LPP: variants seen among roughly 807,000 people sequenced by gnomAD.
The protein encoded by LPP is LIM domain containing preferred translocation partner in lipoma.
LPP carries 38 observed loss-of-function variants against 60.4 expected under a neutral mutation model. That is an observed-to-expected ratio of 0.63 (90% CI 0.49 to 0.83). The LOEUF (loss-of-function observed/expected upper bound fraction) is 0.83. LPP is among the 40% of genes least tolerant of loss of function. The pLI, the probability that LPP is intolerant of heterozygous loss-of-function variation, is 0.00. For missense variants in LPP, 902 were observed against 783.6 expected (o/e 1.15, Z -1.80); for synonymous variants, 328 against 290.8 (o/e 1.13, Z -1.30).
At chr3:188,486,095 TA>T (rs1435361275) in intron 5 of LPP, among the ~76,000 whole-genome samples, 1 of 152,156 alleles carries the variant, frequency 6.6e-6, no homozygotes, top group African/African-American at 2.4e-5. Flanking sequence ...ATACATGAGA[TA>T]TTTTGATATA....
intron 6 of LPP, among the ~76,000 whole-genome samples, chr3:188,608,438 C>A (rs1231260218): frequency 6.6e-6 from 1 of 152,086 alleles, no homozygotes; most frequent in African/African-American, 2.4e-5. Flanking sequence ...ATTTTCTTTA[C>A]CTATCATCTA....
rs1199070063 is a variant in LPP, at chr3:188,653,886, C to T, written c.1113+44042C>T. ...ACAAATCTTTAATTGGTTGTGCCAT[C>T]GTATCTGTCCTCAGGCTTGTTAGCT... is the stretch of plus-strand genomic sequence containing the variant. On this transcript the variant is annotated intron_variant, in intron 7 of 11. Coordinates refer to ENST00000617246, the MANE Select transcript of LPP (RefSeq NM_001375462.1). 1.1e-4 allele frequency among the ~76,000 whole-genome samples: 17 copies of T among 152,294 alleles called. No homozygotes were observed. The East Asian group carries it at 2.7e-3, about 24-fold the overall frequency.
In LPP at chr3:188,628,484, C is replaced by A. The variant is rs560004469; in HGVS notation, c.1113+18640C>A. Among the ~76,000 whole-genome samples, 193 of 152,098 alleles carry A rather than the reference C, an allele frequency of 1.3e-3. 1 individual carries two copies. The highest frequency in any genetic ancestry group is 4.5e-3 in the African/African-American group (188 of 41,538). On this transcript the variant is annotated intron_variant, in intron 7 of 11. Coordinates refer to ENST00000617246, the MANE Select transcript of LPP (RefSeq NM_001375462.1). Reference sequence around the variant, plus strand: ...TCTTATGAACAGCACTGCAGACATACATTAGAAAACCTAGAAGAAATGAAT... The same window carrying A: ...TCTTATGAACAGCACTGCAGACATAAATTAGAAAACCTAGAAGAAATGAAT...
At chr3:188,735,402 A>C (rs1722136497) in intron 8 of LPP, among the ~76,000 whole-genome samples, 1 of 151,796 alleles carries the variant, frequency 6.6e-6, no homozygotes, top group African/African-American at 2.4e-5. Flanking sequence ...ATTTTTTGAG[A>C]CGAAGTCTTG....
intron 2 of LPP, among the ~76,000 whole-genome samples, chr3:188,327,386 T>C (rs1758721804): frequency 1.3e-5 from 2 of 152,198 alleles, no homozygotes; most frequent in South Asian, 4.1e-4. Context: ...GTTTACTACA[T>C]GCTAGGCACT....
At chr3:188,850,100 G>T (rs1192953570) in intron 9 of LPP, among the ~76,000 whole-genome samples, 1 of 152,180 alleles carries the variant, frequency 6.6e-6, no homozygotes. Flanking sequence ...TTTGAATGAA[G>T]TTTTTAGTTT....
chr3:188,327,703 T>C (rs1196484473), intron 2 of LPP, among the ~76,000 whole-genome samples: 2 of 152,160 alleles, frequency 1.3e-5, no homozygotes, highest in African/African-American at 2.4e-5. Flanking sequence ...TATATAAAGA[T>C]AGACAGGTAG....
At chr3:188,570,648 A>T (rs1833334537) in intron 6 of LPP, among the ~76,000 whole-genome samples, 2 of 152,036 alleles carry the variant, frequency 1.3e-5, no homozygotes, top group Admixed American at 1.3e-4. Context: ...CACCAGATTT[A>T]ATCAATCTTA....
chr3:188,353,445 T>G (rs901215890), intron 3 of LPP, among the ~76,000 whole-genome samples: 27 of 152,236 alleles, frequency 1.8e-4, no homozygotes, highest in Non-Finnish European at 4.0e-4. Context: ...TGATTATTTT[T>G]CATAAACCCA....
intron 5 of LPP, among the ~76,000 whole-genome samples, chr3:188,490,681 A>AAAG (rs1808069425): frequency 6.6e-6 from 1 of 150,478 alleles, no homozygotes; most frequent in Non-Finnish European, 1.5e-5. Context: ...CCTACTTACT[A>AAAG]ATTTTATGTG....
Position 188,706,708 on chromosome 3 carries a change from G to A in LPP, c.1114-1559G>A, listed in dbSNP as rs370493973. Among the ~76,000 whole-genome samples the A allele has an allele frequency of 9.2e-5, 14 of 152,320 alleles. 1 individual carries two copies. Among genetic ancestry groups the A allele is most frequent in the East Asian group, 3.9e-4 (2 of 5,182 alleles). ...TTTCACGTCCAAGAGCTCACTTGGTGTAGTGAAGATAATAGGAGAATGAAT... is the reference window on the plus strand; with the variant it reads ...TTTCACGTCCAAGAGCTCACTTGGTATAGTGAAGATAATAGGAGAATGAAT... On this transcript the variant is annotated intron_variant, in intron 7 of 11. Coordinates refer to ENST00000617246, the MANE Select transcript of LPP (RefSeq NM_001375462.1).
At chr3:188,211,818 G>A (rs1357294252) in intron 1 of LPP, among the ~76,000 whole-genome samples, 1 of 145,838 alleles carries the variant, frequency 6.9e-6, no homozygotes, top group Admixed American at 6.9e-5. Context: ...AGAGACTTGG[G>A]GCTGTTCTTT....
Position 188,818,795 on chromosome 3 carries a change from T to C in LPP, c.1411-47405T>C, listed in dbSNP as rs114367439. On this transcript the variant is annotated intron_variant, in intron 9 of 11. Coordinates refer to ENST00000617246, the MANE Select transcript of LPP (RefSeq NM_001375462.1). ...CCTTCCCTTGCAGAGTTGTTAATAT[T>C]ATATGAACGTTATATATGTGAAGTG... 7.7e-3 allele frequency among the ~76,000 whole-genome samples: 1,180 copies of C among 152,298 alleles called. 18 individuals are homozygous for C. Among genetic ancestry groups the C allele is most frequent in the African/African-American group, 0.027 (1,112 of 41,554 alleles).
At chr3:188,634,392 G>A (rs1310410542) in intron 7 of LPP, among the ~76,000 whole-genome samples, 1 of 152,200 alleles carries the variant, frequency 6.6e-6, no homozygotes, top group Non-Finnish European at 1.5e-5. Flanking sequence ...AATAGATGAA[G>A]AGAATGAGGC....
chr3:188,778,679 A>G (rs1045844026), intron 9 of LPP, among the ~76,000 whole-genome samples: 3 of 152,172 alleles, frequency 2.0e-5, no homozygotes, highest in African/African-American at 7.2e-5. Context: ...ATTGTTAGGT[A>G]AATGAGAAAA....
chr3:188,864,699 G>T (rs1766151915), intron 9 of LPP, among the ~76,000 whole-genome samples: 1 of 152,232 alleles, frequency 6.6e-6, no homozygotes, highest in South Asian at 2.1e-4. Context: ...AAGTATGGGA[G>T]TTTCACATAG....
chr3:188,782,963 C>T (rs1056397382), intron 9 of LPP, among the ~76,000 whole-genome samples: 4 of 152,214 alleles, frequency 2.6e-5, no homozygotes, highest in Admixed American at 2.0e-4. Context: ...CCAGAAGAAA[C>T]TCTTTCAGCT....
chr3:188,443,320 A>T (rs1794480384), intron 4 of LPP, among the ~76,000 whole-genome samples: 1 of 152,240 alleles, frequency 6.6e-6, no homozygotes, highest in Non-Finnish European at 1.5e-5. Flanking sequence ...TTGGCTGCAT[A>T]GCTTCAGTCT....
intron 6 of LPP, among the ~76,000 whole-genome samples, chr3:188,570,301 TC>T (rs1257287093): frequency 1.3e-5 from 2 of 151,970 alleles, no homozygotes; most frequent in Non-Finnish European, 2.9e-5. Context: ...ATTGTAGAAA[TC>T]CTGATGTTTT....
Sources: gnomAD v4.1 joint callset for allele counts (sites outside exome capture counted in the v4.1 genomes callset) on GRCh38, gnomAD v4.1.1 for gene constraint, MANE v1.5 for transcripts, NCBI Gene and HGNC (gene_info 2026-07-23, HGNC 2026-07-21) for gene names.